The following PAX5 variants were observed in gnomAD, a reference collection of about 807,000 sequenced individuals.
PAX5 encodes the protein paired box protein Pax-5.
PAX5 carries 9 observed loss-of-function variants against 43.7 expected under a neutral mutation model. The observed-to-expected ratio is 0.21, with a 90% CI of 0.12 to 0.36. PAX5 has a LOEUF of 0.36. PAX5 is among the 10% of genes least tolerant of loss of function. The pLI is 1.00. For synonymous variants in PAX5, 228 were observed against 214.3 expected (o/e 1.06, Z -0.56); for missense variants, 383 against 532.7 (o/e 0.72, Z 2.77).
chr9:36,863,970 A>T (rs370010380), intron 8 of PAX5, among the ~76,000 whole-genome samples: 16 of 152,174 alleles, frequency 1.1e-4, no homozygotes, highest in African/African-American at 3.6e-4. Flanking sequence ...TTAGCTGGGC[A>T]TGGTGGCATG....
chr9:36,892,727 T>C (rs1367434049), intron 7 of PAX5, among the ~76,000 whole-genome samples: 1 of 152,356 alleles, frequency 6.6e-6, no homozygotes, highest in East Asian at 1.9e-4. Flanking sequence ...GCAATCCTTA[T>C]TGCTGGGATA....
At chr9:37,027,818 C>T (rs1284018822) in intron 1 of PAX5, among the ~76,000 whole-genome samples, 1 of 152,270 alleles carries the variant, frequency 6.6e-6, no homozygotes, top group African/African-American at 2.4e-5. Flanking sequence ...CCCGAAACAC[C>T]GCCCCATTGG....
chr9:37,025,432 C>A (rs1009034914), intron 1 of PAX5, among the ~76,000 whole-genome samples: 3 of 137,768 alleles, frequency 2.2e-5, no homozygotes, highest in East Asian at 4.8e-4. Flanking sequence ...TGGGGGGGAG[C>A]GGGGTGGGAG....
At chr9:37,005,890 G>A (rs1245023553) in intron 4 of PAX5, among the ~76,000 whole-genome samples, 3 of 152,198 alleles carry the variant, frequency 2.0e-5, no homozygotes, top group Non-Finnish European at 2.9e-5. Context: ...GCACTAGGAA[G>A]TATGACTCCC....
chr9:36,892,791 A>G (rs1482897888), intron 7 of PAX5, among the ~76,000 whole-genome samples: 2 of 152,254 alleles, frequency 1.3e-5, no homozygotes, highest in Non-Finnish European at 2.9e-5. Flanking sequence ...GTTTTGAGAA[A>G]CAATGAGGTA....
chr9:37,019,123 G>T (rs1839643090), intron 2 of PAX5, among the ~76,000 whole-genome samples: 1 of 152,044 alleles, frequency 6.6e-6, no homozygotes, highest in African/African-American at 2.4e-5. Context: ...CTAAAGTATT[G>T]TGCTCTCTCT....
At chr9:36,947,047 G>C (rs1030499156) in intron 6 of PAX5, among the ~76,000 whole-genome samples, 2 of 152,238 alleles carry the variant, frequency 1.3e-5, no homozygotes, top group Non-Finnish European at 2.9e-5. Flanking sequence ...GATTTCTCCA[G>C]ATTTATTCCA....
chr9:37,025,426 G>C (rs1456894297), intron 1 of PAX5, among the ~76,000 whole-genome samples: 1 of 152,114 alleles, frequency 6.6e-6, no homozygotes, highest in Non-Finnish European at 1.5e-5. Context: ...TTGGGATGGG[G>C]GGGAGCGGGG....
At chr9:36,895,548 TACC>T (rs1827791091) in intron 7 of PAX5, among the ~76,000 whole-genome samples, 1 of 152,208 alleles carries the variant, frequency 6.6e-6, no homozygotes, top group South Asian at 2.1e-4. Flanking sequence ...GGGATAATGA[TACC>T]TCCTTAGACT....
At chr9:37,029,554 G>A (rs1360804681) in intron 1 of PAX5, among the ~76,000 whole-genome samples, 1 of 152,228 alleles carries the variant, frequency 6.6e-6, no homozygotes, top group African/African-American at 2.4e-5. Context: ...CAGGAAGATC[G>A]CAACAGCAGA....
At chr9:36,944,851 G>A (rs1832359244) in intron 6 of PAX5, among the ~76,000 whole-genome samples, 1 of 152,226 alleles carries the variant, frequency 6.6e-6, no homozygotes. Context: ...TAAATTAAAT[G>A]TTCTCCAAGC....
chr9:36,923,515 C>T (rs1232723347), intron 6 of PAX5, 31 bp from the exon 7 acceptor site: 1 of 1,592,264 alleles, frequency 6.3e-7, no homozygotes, highest in African/African-American at 1.3e-5. Flanking sequence ...GTCTCAGCAC[C>T]AAGACTCCAC....
At chr9:36,938,140 C>CT (rs1831720738) in intron 6 of PAX5, among the ~76,000 whole-genome samples, 1 of 152,084 alleles carries the variant, frequency 6.6e-6, no homozygotes, top group Admixed American at 6.5e-5. Context: ...GCTTGTATGC[C>CT]TTTTTATCAG....
In PAX5 at chr9:36,833,756, T is replaced by TA. The variant is rs1821441226; in HGVS notation, c.*6803dup. The TA allele has an allele frequency of 4.3e-6, 1 of 232,578 alleles. No individual in the cohort carries two copies. The highest frequency in any genetic ancestry group is 6.0e-5 in the East Asian group (1 of 16,536). 14.4% of individuals were successfully genotyped at this position (232,578 alleles called of 1,614,324 possible). A position where few individuals can be genotyped will look rare whatever the true frequency, so the allele number is the denominator to read the frequency against. On this transcript the variant is annotated 3_prime_UTR_variant, in exon 10 of 10. Transcript: ENST00000358127. ...TACTAGAAAAAAAGAATACAAAACA[T>TA]ACACATTTTTTAAGAAGCATTTTTT...
intron 8 of PAX5, among the ~76,000 whole-genome samples, chr9:36,854,241 G>A (rs1823428824): frequency 1.3e-5 from 2 of 152,220 alleles, no homozygotes; most frequent in South Asian, 4.1e-4. Context: ...GATGTTGCGG[G>A]ACCAAACTGT....
intron 7 of PAX5, among the ~76,000 whole-genome samples, chr9:36,885,271 G>A (rs190444936): frequency 4.6e-5 from 7 of 152,250 alleles, no homozygotes; most frequent in African/African-American, 7.2e-5. Context: ...AGGTCTCGGG[G>A]AGGCTGCAGC....
chr9:36,933,344 C>T (rs1484953925), intron 6 of PAX5, among the ~76,000 whole-genome samples: 1 of 152,152 alleles, frequency 6.6e-6, no homozygotes, highest in African/African-American at 2.4e-5. Flanking sequence ...TGGTGCCCTG[C>T]CCTGCTCCTT....
chr9:36,935,794 G>A (rs1588020339), intron 6 of PAX5, among the ~76,000 whole-genome samples: 1 of 152,256 alleles, frequency 6.6e-6, no homozygotes, highest in Non-Finnish European at 1.5e-5. Flanking sequence ...CAGCCACACA[G>A]CTCCGGTGTG....
At chr9:37,017,493 T>G (rs2132484462) in intron 2 of PAX5, among the ~76,000 whole-genome samples, 1 of 152,366 alleles carries the variant, frequency 6.6e-6, no homozygotes, top group South Asian at 2.1e-4. Flanking sequence ...CCAGGCATTT[T>G]CACATGCATT....
Sources: gnomAD v4.1 joint callset for allele counts (sites outside exome capture counted in the v4.1 genomes callset) on GRCh38, gnomAD v4.1.1 for gene constraint, MANE v1.5 for transcripts, NCBI Gene and HGNC (gene_info 2026-07-23, HGNC 2026-07-21) for gene names.